RMDN2: variants seen among roughly 807,000 people sequenced by gnomAD.
RMDN2 encodes the protein regulator of microtubule dynamics 2, also known as regulator of microtubule dynamics protein 2.
In RMDN2, 61 loss-of-function variants were observed where a neutral mutation model predicts 52.8. That is an observed-to-expected ratio of 1.16 (90% CI 0.94 to 1.43). RMDN2 has a LOEUF of 1.43. Ranked by LOEUF, RMDN2 falls within the 40% of genes most tolerant of loss-of-function variation. The pLI is 0.00. For missense variants in RMDN2, 592 were observed against 475.3 expected (o/e 1.25, Z -2.28); for synonymous variants, 180 against 153.1 (o/e 1.18, Z -1.30).
chr2:38,028,347 CT>C (rs1345653476), intron 10 of RMDN2, among the ~76,000 whole-genome samples: 1 of 152,156 alleles, frequency 6.6e-6, no homozygotes, highest in Non-Finnish European at 1.5e-5. Context: ...TATTTATTGA[CT>C]GCATAGTACA....
chr2:38,009,656 C>T (rs1307941020), intron 10 of RMDN2, among the ~76,000 whole-genome samples: 7 of 152,140 alleles, frequency 4.6e-5, no homozygotes, highest in Admixed American at 6.5e-5. Context: ...TGGTTTCGAA[C>T]TTCCTCCTTT....
chr2:38,033,108 T>C (rs1449712716), intron 10 of RMDN2: 1 of 152,236 alleles, frequency 6.6e-6, no homozygotes, highest in Non-Finnish European at 1.5e-5. Flanking sequence ...CTAACAGACA[T>C]GTAGTAGTAT....
At chr2:38,035,522 C>T (rs1680512813) in intron 10 of RMDN2, among the ~76,000 whole-genome samples, 1 of 151,800 alleles carries the variant, frequency 6.6e-6, no homozygotes, top group Non-Finnish European at 1.5e-5. Flanking sequence ...CAATACCTAC[C>T]AGATAAGAAA....
intron 2 of RMDN2, chr2:37,951,647 TG>T (rs1427561537): frequency 6.2e-7 from 1 of 1,613,304 alleles, no homozygotes; most frequent in African/African-American, 1.3e-5. Flanking sequence ...CCATTTTTTT[TG>T]ATCCTCAAGC....
intron 5 of RMDN2, among the ~76,000 whole-genome samples, chr2:37,984,422 G>A (rs1190119261): frequency 6.6e-6 from 1 of 152,172 alleles, no homozygotes; most frequent in Non-Finnish European, 1.5e-5. Flanking sequence ...TTACAGAGCA[G>A]CTTGTTTTCA....
chr2:37,948,760 C>T (rs1668441072), intron 2 of RMDN2, among the ~76,000 whole-genome samples: 1 of 152,096 alleles, frequency 6.6e-6, no homozygotes, highest in Non-Finnish European at 1.5e-5. Context: ...CCTCATCCCC[C>T]AAATGCGCAC....
In RMDN2 at chr2:37,932,075, T is replaced by C. The variant is rs139872423; in HGVS notation, c.452+2346T>C. ...TTATTTATTTATTTTATTTATTTAT[T>C]TTTTTAATTGATCATTCTTGGGTGT... is the stretch of plus-strand genomic sequence containing the variant. On this transcript the variant is annotated intron_variant, in intron 2 of 10. Transcript: ENST00000354545. 2.1e-3 allele frequency among the ~76,000 whole-genome samples: 319 copies of C among 152,260 alleles called. 1 individual carries two copies. Among genetic ancestry groups the C allele is most frequent in the African/African-American group, 7.4e-3 (306 of 41,560 alleles).
chr2:38,039,023 C>G (rs1680776181), intron 10 of RMDN2, among the ~76,000 whole-genome samples: 2 of 144,678 alleles, frequency 1.4e-5, no homozygotes, highest in South Asian at 4.6e-4. Context: ...TATTTTTGAG[C>G]AACAGTTTAA....
intron 2 of RMDN2, among the ~76,000 whole-genome samples, chr2:37,968,517 A>G (rs936588505): frequency 6.6e-6 from 1 of 151,922 alleles, no homozygotes; most frequent in Non-Finnish European, 1.5e-5. Context: ...ACCTATTTCA[A>G]TGTAACTCAC....
rs189965983 is a variant in RMDN2, at chr2:38,065,670, C to A, written c.1714-1312C>A. 2.0e-5 allele frequency among the ~76,000 whole-genome samples: 3 copies of A among 152,220 alleles called. No homozygotes were observed. In the East Asian group the frequency reaches 5.8e-4, roughly 29 times the overall value. On this transcript the variant is annotated intron_variant, in intron 10 of 10. Coordinates refer to the RMDN2 transcript ENST00000234195. ...TTCTGATGAGCCACATACACCAACACTTAGGTGATGCATGGCTATCAGATG... is the reference window on the plus strand; with the variant it reads ...TTCTGATGAGCCACATACACCAACAATTAGGTGATGCATGGCTATCAGATG...
At chr2:38,016,562 T>A (rs537994151) in intron 10 of RMDN2, among the ~76,000 whole-genome samples, 1 of 152,314 alleles carries the variant, frequency 6.6e-6, no homozygotes, top group South Asian at 2.1e-4. Context: ...TTTAATGATC[T>A]CACCTTAGTC....
At chr2:37,950,880 A>G (rs539246134) in intron 2 of RMDN2, among the ~76,000 whole-genome samples, 22 of 152,232 alleles carry the variant, frequency 1.4e-4, no homozygotes, top group South Asian at 4.1e-4. Flanking sequence ...AACCAGTTCT[A>G]TCTTTTCCTT....
At chr2:38,000,118 A>G (rs1427230479) in intron 8 of RMDN2, among the ~76,000 whole-genome samples, 2 of 152,220 alleles carry the variant, frequency 1.3e-5, no homozygotes, top group Non-Finnish European at 2.9e-5. Context: ...GCCTCAAAGC[A>G]TCTAGGGAGG....
chr2:37,989,413 A>G lies in RMDN2; in HGVS notation c.792-128A>G, dbSNP rs530191750. ...TATTTATTATTGTTAGGGCCCTTAT[A>G]TTTATATGAATACTCCTGTTAAATA... On this transcript the variant is annotated intron_variant, in intron 5 of 10. Transcript: ENST00000354545. 2.2e-5 allele frequency: 14 copies of G among 650,440 alleles called. No individual in the cohort carries two copies. In the African/African-American group the frequency reaches 2.4e-4, roughly 11 times the overall value. The allele number at this position is 650,440 out of a possible 1,614,324, so 40.3% of individuals were successfully genotyped here. A position where few individuals can be genotyped will look rare whatever the true frequency, so the allele number is the denominator to read the frequency against.
At chr2:37,956,329 GCTGGCATACAATT>G (rs2124989990) in intron 2 of RMDN2, among the ~76,000 whole-genome samples, 1 of 151,962 alleles carries the variant, frequency 6.6e-6, no homozygotes, top group Non-Finnish European at 1.5e-5. Context: ...TAATCAATTC[GCTGGCATACAATT>G]CTTCATATTA....
At chr2:37,937,274 G>A (rs59287408) in intron 2 of RMDN2, among the ~76,000 whole-genome samples, 5,314 of 152,134 alleles carry the variant, frequency 0.035, 284 homozygotes, top group African/African-American at 0.12. Context: ...TATCTGTTTT[G>A]GTACCAGTAC....
chr2:38,035,603 C>G (rs1299536767), intron 10 of RMDN2, among the ~76,000 whole-genome samples: 2 of 151,930 alleles, frequency 1.3e-5, no homozygotes, highest in African/African-American at 2.4e-5. Context: ...AATATAAAGT[C>G]CATAAATACA....
At chr2:38,039,668 C>G (rs946957455) in intron 10 of RMDN2, among the ~76,000 whole-genome samples, 4 of 152,186 alleles carry the variant, frequency 2.6e-5, no homozygotes, top group Non-Finnish European at 5.9e-5. Flanking sequence ...CAGAAAATCA[C>G]CCAGTGTCTG....
intron 10 of RMDN2, among the ~76,000 whole-genome samples, chr2:38,045,108 G>C (rs1219419525): frequency 6.6e-6 from 1 of 152,076 alleles, no homozygotes; most frequent in African/African-American, 2.4e-5. Flanking sequence ...TTTATTAAAA[G>C]AGAAAGATCC....
Sources: allele counts gnomAD v4.1 joint callset (sites outside exome capture counted in the v4.1 genomes callset), GRCh38; gene constraint gnomAD v4.1.1; transcripts MANE v1.5; gene names NCBI Gene and HGNC (gene_info 2026-07-23, HGNC 2026-07-21).